Variants in SELP observed in about 807,000 individuals in gnomAD.
The protein encoded by SELP is selectin P.
Under a neutral mutation model 104.1 loss-of-function variants are expected in SELP, and 92 were observed. The observed-to-expected ratio is 0.88, with a 90% CI of 0.75 to 1.05. The LOEUF (loss-of-function observed/expected upper bound fraction) is 1.05. Among genes scored for constraint, SELP ranks in the 50% least tolerant of loss-of-function variants. The probability of loss-of-function intolerance (pLI) is 0.00; values close to 1 mark genes in which losing one functional copy is unlikely to be tolerated. For synonymous variants in SELP, 397 were observed against 364.5 expected, an observed-to-expected ratio of 1.09 and a Z score of -1.01; for missense variants, 1,022 against 1,017.3, an observed-to-expected ratio of 1.00 and a Z score of -0.06.
At chr1:169,612,084 G>A in intron 6 of SELP, 133 bp downstream of exon 6, 1 of 855,300 alleles carries the variant, frequency 1.2e-6, no homozygotes, top group Non-Finnish European at 1.8e-6. Context: ...CAATCTAGCT[G>A]AATGGCAGGT....
At chr1:169,593,497 C>T in intron 14 of SELP, 108 bp downstream of exon 14, 1 of 833,442 alleles carries the variant, frequency 1.2e-6, no homozygotes, top group African/African-American at 1.7e-5. Context: ...TGTTTTCCAA[C>T]ATGAACTACT....
intron 9 of SELP, 113 bp downstream of exon 9, chr1:169,606,836 A>C: frequency 1.0e-6 from 1 of 968,882 alleles, no homozygotes; most frequent in Non-Finnish European, 1.6e-6. Context: ...GTATTTATGA[A>C]TTTTCCAGTC....
intron 3 of SELP, 33 bp downstream of exon 3, chr1:169,616,994 TA>T: frequency 6.6e-7 from 1 of 1,522,522 alleles, no homozygotes; most frequent in South Asian, 1.3e-5. Context: ...TTTTTTTTTT[TA>T]ACAGGAAAGT....
intron 10 of SELP, among the ~76,000 whole-genome samples, chr1:169,601,669 T>C (rs1416219981): frequency 1.3e-5 from 2 of 152,110 alleles, no homozygotes; most frequent in African/African-American, 2.4e-5. Flanking sequence ...GATAGTGTAG[T>C]TCAGTGGTCA....
intron 15 of SELP, 39 bp from the exon 16 acceptor site, chr1:169,590,241 CT>C: frequency 6.7e-7 from 1 of 1,485,612 alleles, no homozygotes. Flanking sequence ...CAATATACTG[CT>C]TAGTTCTCGA....
At chr1:169,607,704 T>C (rs1662272292) in intron 8 of SELP, among the ~76,000 whole-genome samples, 1 of 152,188 alleles carries the variant, frequency 6.6e-6, no homozygotes, top group South Asian at 2.1e-4. Context: ...TTCCATGTGT[T>C]GTCTCTTCTC....
At chr1:169,599,423 C>T (rs1434682366) in intron 10 of SELP, among the ~76,000 whole-genome samples, 6 of 151,534 alleles carry the variant, frequency 4.0e-5, no homozygotes, top group South Asian at 2.1e-4. Context: ...ATTTATTGCA[C>T]GCTTAGTGTT....
intron 1 of SELP, among the ~76,000 whole-genome samples, chr1:169,622,329 T>C (rs1257955446): frequency 1.3e-5 from 2 of 152,252 alleles, no homozygotes; most frequent in African/African-American, 4.8e-5. Context: ...AGTAAATCAC[T>C]ATATAATTTG....
intron 15 of SELP, among the ~76,000 whole-genome samples, chr1:169,590,783 G>A (rs1661320033): frequency 1.3e-5 from 2 of 152,144 alleles, no homozygotes; most frequent in Admixed American, 1.3e-4. Context: ...GGGGCATACT[G>A]TCCCTTTTTG....
At chr1:169,596,432 T>A (rs2101871193) in intron 11 of SELP, among the ~76,000 whole-genome samples, 2 of 152,260 alleles carry the variant, frequency 1.3e-5, no homozygotes, top group East Asian at 3.9e-4. Flanking sequence ...TATAAGAAAT[T>A]CAGCAGAAAG....
At chr1:169,618,438 G>A (rs1396682381) in intron 2 of SELP, among the ~76,000 whole-genome samples, 1 of 152,160 alleles carries the variant, frequency 6.6e-6, no homozygotes, top group East Asian at 1.9e-4. Flanking sequence ...AAAGTATAAA[G>A]GTACTACAGC....
intron 10 of SELP, among the ~76,000 whole-genome samples, chr1:169,602,778 T>C (rs1291742289): frequency 5.9e-5 from 9 of 152,038 alleles, no homozygotes; most frequent in Non-Finnish European, 1.5e-5. Flanking sequence ...TGCCCAGCTA[T>C]TTTTTGTATT....
At position 169,596,121 on chromosome 1, in the gene SELP, A is replaced by G. The variant is rs1290068371; in HGVS notation, c.1905T>C (p.Leu635=). 1 of 1,613,614 alleles carries G rather than the reference A, an allele frequency of 6.2e-7. No homozygotes were observed. Among genetic ancestry groups the G allele is most frequent in the South Asian group, 1.1e-5 (1 of 91,060 alleles). ...TPPTCKGIAS[L]PTPGVQCPAL... is the part of the protein sequence containing the mutation. Reference sequence around the variant, plus strand: ...CTGGACATTGCACCCCTGGAGTAGGAAGTGATGCTATGCCTGTTGTGAGAA... The same window carrying G: ...CTGGACATTGCACCCCTGGAGTAGGGAGTGATGCTATGCCTGTTGTGAGAA... Residue 635 remains leucine, a synonymous_variant, in exon 12 of 17, where the codon CTT becomes CTC. Coordinates refer to ENST00000263686, the MANE Select transcript of SELP (RefSeq NM_003005.4).
chr1:169,594,266 G>A (rs541970711), intron 13 of SELP, among the ~76,000 whole-genome samples: 1 of 152,190 alleles, frequency 6.6e-6, no homozygotes, highest in South Asian at 2.1e-4. Flanking sequence ...AAAAATAGGG[G>A]GCTGAAATAT....
intron 6 of SELP, 51 bp downstream of exon 6, chr1:169,612,162 CTAAG>C (rs1169988337): frequency 6.4e-7 from 1 of 1,558,310 alleles, no homozygotes. Context: ...CATCTATGCA[CTAAG>C]TAAGGACTGG....
intron 10 of SELP, among the ~76,000 whole-genome samples, chr1:169,601,779 A>T (rs1489832751): frequency 6.6e-6 from 1 of 152,212 alleles, no homozygotes; most frequent in Non-Finnish European, 1.5e-5. Flanking sequence ...TCAAAGCCTC[A>T]GTTTCTTCAC....
chr1:169,619,015 G>A, intron 2 of SELP, 114 bp downstream of exon 2: 1 of 740,982 alleles, frequency 1.3e-6, no homozygotes. Flanking sequence ...TCTGGACTTG[G>A]ACAGTTTTCC....
chr1:169,611,005 G>A (rs917827377), intron 7 of SELP, among the ~76,000 whole-genome samples: 6 of 152,062 alleles, frequency 3.9e-5, no homozygotes, highest in East Asian at 1.9e-4. Context: ...ACCACTGTCC[G>A]CCTTATAAAC....
chr1:169,630,002 C>T, intron 1 of SELP, 70 bp downstream of exon 1: 1 of 1,600,116 alleles, frequency 6.2e-7, no homozygotes, highest in South Asian at 1.1e-5. Flanking sequence ...GAACCTTTAC[C>T]TGCCTGACTT....
Sources: allele counts gnomAD v4.1 joint callset (sites outside exome capture counted in the v4.1 genomes callset), GRCh38; gene constraint gnomAD v4.1.1; transcripts MANE v1.5; gene names NCBI Gene and HGNC (gene_info 2026-07-23, HGNC 2026-07-21).